Variants in PSMD4 observed in about 807,000 individuals in gnomAD.
PSMD4 encodes the protein 26S proteasome non-ATPase regulatory subunit 4.
A neutral mutation model predicts 39.7 loss-of-function variants in PSMD4; 5 were observed. The ratio of observed to expected loss-of-function variants is 0.13; its 90% confidence interval spans 0.07 to 0.26. The LOEUF is 0.26. PSMD4 is among the 10% of genes least tolerant of loss of function. PSMD4 has a pLI of 1.00. For missense variants in PSMD4, 272 were observed against 486.1 expected, an observed-to-expected ratio of 0.56 and a Z score of 4.14; for synonymous variants, 143 against 174.6, an observed-to-expected ratio of 0.82 and a Z score of 1.43.
At chr1:151,263,448 G>A (rs1248696242) in intron 2 of PSMD4, among the ~76,000 whole-genome samples, 2 of 151,930 alleles carry the variant, frequency 1.3e-5, no homozygotes, top group Non-Finnish European at 2.9e-5. Flanking sequence ...GGGTGACAGA[G>A]CGAGACTCTG....
chr1:151,259,730 TAAAA>T (rs1219955078), intron 1 of PSMD4, among the ~76,000 whole-genome samples: 2 of 151,278 alleles, frequency 1.3e-5, no homozygotes, highest in African/African-American at 2.4e-5. Context: ...CTCTATAAAA[TAAAA>T]AATAAATAAA....
intron 1 of PSMD4, among the ~76,000 whole-genome samples, chr1:151,259,375 A>T (rs868156432): frequency 2.6e-5 from 4 of 152,122 alleles, no homozygotes; most frequent in Non-Finnish European, 4.4e-5. Flanking sequence ...TTTGAACATC[A>T]TGTCAGCACT....
At chr1:151,258,149 G>T (rs891521229) in intron 1 of PSMD4, among the ~76,000 whole-genome samples, 1 of 151,506 alleles carries the variant, frequency 6.6e-6, no homozygotes, top group Non-Finnish European at 1.5e-5. Context: ...TCAGCCTCCC[G>T]AGTAGCTGGG....
intron 9 of PSMD4, 35 bp from the exon 10 acceptor site, chr1:151,267,138 A>C (rs761377764): frequency 1.9e-6 from 3 of 1,613,288 alleles, no homozygotes; most frequent in Non-Finnish European, 2.5e-6. Flanking sequence ...CTGCCGCTCC[A>C]TACCCTCCCT....
At chr1:151,265,945 C>T (rs1693439518) in intron 6 of PSMD4, 59 bp from the exon 7 acceptor site, 11 of 1,511,102 alleles carry the variant, frequency 7.3e-6, no homozygotes, top group Non-Finnish European at 8.8e-6. Flanking sequence ...AACTGACTTT[C>T]CCAGCTCCCT....
chr1:151,258,077 G>C (rs1693219274), intron 1 of PSMD4, among the ~76,000 whole-genome samples: 1 of 152,034 alleles, frequency 6.6e-6, no homozygotes, highest in African/African-American at 2.4e-5. Flanking sequence ...AGGCTGGAGT[G>C]CAGTGGCGCC....
At chr1:151,267,010 G>A in intron 9 of PSMD4, 163 bp from the exon 10 acceptor site, 1 of 843,282 alleles carries the variant, frequency 1.2e-6, no homozygotes, top group Non-Finnish European at 2.1e-6. Context: ...GCTGTATAAA[G>A]GATTTTGCTG....
chr1:151,256,358 AAT>A (rs60932651), intron 1 of PSMD4, among the ~76,000 whole-genome samples: 2,950 of 37,788 alleles, frequency 0.078, 146 homozygotes, highest in African/African-American at 0.18. Flanking sequence ...AAAAAAAAAT[AAT>A]AATAAAATAA....
At chr1:151,256,835 C>T (rs1407535699) in intron 1 of PSMD4, among the ~76,000 whole-genome samples, 2 of 151,596 alleles carry the variant, frequency 1.3e-5, no homozygotes, top group Non-Finnish European at 2.9e-5. Context: ...CCGCAACCTC[C>T]GCCTCCCGTG....
At chr1:151,256,879 A>G (rs1693187650) in intron 1 of PSMD4, among the ~76,000 whole-genome samples, 1 of 151,580 alleles carries the variant, frequency 6.6e-6, no homozygotes, top group South Asian at 2.1e-4. Flanking sequence ...CCTCCTTAGT[A>G]GCTGGGATTA....
chr1:151,259,501 A>G (rs1162060911), intron 1 of PSMD4, among the ~76,000 whole-genome samples: 2 of 152,044 alleles, frequency 1.3e-5, no homozygotes, highest in Non-Finnish European at 2.9e-5. Flanking sequence ...TACCTTCTTA[A>G]TTACTTCTCT....
rs12090291 is a variant in PSMD4 at position 151,263,110 on chromosome 1, C to G, written c.168-804C>G. Among the ~76,000 whole-genome samples the G allele has an allele frequency of 7.3e-3, 1,106 of 152,236 alleles. 14 individuals carry two copies. Among genetic ancestry groups the G allele is most frequent in the African/African-American group, 0.025 (1,035 of 41,544 alleles). On this transcript the variant is annotated intron_variant, in intron 2 of 9. Coordinates refer to ENST00000368884, the MANE Select transcript of PSMD4 (RefSeq NM_002810.4). ...TTGGAAGTAGAGGGCAGCTTTCTTA[C>G]AAAGCCAGCCACTTAATTATTTCTG...
intron 1 of PSMD4, among the ~76,000 whole-genome samples, chr1:151,257,712 T>G (rs1261838348): frequency 1.0e-5 from 1 of 97,726 alleles, no homozygotes; most frequent in Non-Finnish European, 2.1e-5. Flanking sequence ...CATACCTGGC[T>G]TTCTTTTTTT....
At position 151,265,490 on chromosome 1, in the gene PSMD4, T is replaced by G; in HGVS notation, c.535T>G (p.Leu179Val). ...HLVTVPPGPS[L>V]ADALISSPIL... ...GGTGACAGTGCCTCCTGGGCCCAGT[T>G]TGGCTGATGCTCTCATCAGTTCTCC... The change falls in exon 6 of 10, where the codon TTG becomes GTG. Residue 179 changes from leucine (L) to valine (V), a missense_variant. By Grantham distance (32) the Leu-to-Val change is conservative (BLOSUM62 1). This residue lies in a region of PSMD4 where 153 missense variants were observed against 257.6 expected (regional missense o/e 0.59). Transcript: ENST00000368884. 6.2e-7 allele frequency: 1 copy of G among 1,614,138 alleles called. No individual in the cohort carries two copies. Among genetic ancestry groups the G allele is most frequent in the South Asian group, 1.1e-5 (1 of 91,082 alleles).
chr1:151,266,506 C>T lies in PSMD4; in HGVS notation c.896-14C>T. 5.6e-6 allele frequency: 9 copies of T among 1,614,192 alleles called. No homozygotes were observed. The highest frequency in any genetic ancestry group is 7.6e-6 in the Non-Finnish European group (9 of 1,180,036). ...GAGGAAGTGTAACTGAACAGACTGA[C>T]CTCTCTTCCTCAGAGTTTGGCCAGG... On this transcript the variant is annotated splice_polypyrimidine_tract_variant and intron_variant, in intron 8 of 9. Transcript: ENST00000368884.
chr1:151,267,444 A>G lies in PSMD4; in HGVS notation c.*101A>G. ...TATCTGTAACCATTACAGCCTAAAT[A>G]AAGCTTGGCAACTTTTTTTCCTTTT... On this transcript the variant is annotated 3_prime_UTR_variant, in exon 10 of 10. Coordinates refer to ENST00000368884, the MANE Select transcript of PSMD4 (RefSeq NM_002810.4). 2 of 1,386,554 alleles carry G rather than the reference A, an allele frequency of 1.4e-6. No individual in the cohort carries two copies. Among genetic ancestry groups the G allele is most frequent in the Non-Finnish European group, 2.0e-6 (2 of 1,018,964 alleles). 85.9% of individuals were successfully genotyped at this position (1,386,554 alleles called of 1,614,324 possible).
At chr1:151,260,609 C>G (rs1693293794) in intron 1 of PSMD4, among the ~76,000 whole-genome samples, 1 of 152,068 alleles carries the variant, frequency 6.6e-6, no homozygotes. Context: ...GATCTTGGCT[C>G]AATGCAGCCT....
intron 1 of PSMD4, among the ~76,000 whole-genome samples, chr1:151,258,485 G>C (rs1359974370): frequency 7.5e-6 from 1 of 133,170 alleles, no homozygotes; most frequent in Non-Finnish European, 1.6e-5. Flanking sequence ...GGGGGAGACA[G>C]GGTCTCATTC....
At chr1:151,263,824 C>A in intron 2 of PSMD4, 90 bp from the exon 3 acceptor site, 1 of 926,098 alleles carries the variant, frequency 1.1e-6, no homozygotes. Context: ...AGTGAGACTC[C>A]GTCTAAAAAA....
Sources: gnomAD v4.1 joint callset for allele counts (sites outside exome capture counted in the v4.1 genomes callset) on GRCh38, gnomAD v4.1.1 for gene constraint, gnomAD v4.1.1 regional missense constraint, MANE v1.5 for transcripts, NCBI Gene and HGNC (gene_info 2026-07-23, HGNC 2026-07-21) for gene names.